The following UBE2E2 variants were observed in gnomAD, a reference collection of about 807,000 sequenced individuals.
UBE2E2 encodes ubiquitin conjugating enzyme E2 E2, also known as ubiquitin-conjugating enzyme E2 E2.
A neutral mutation model predicts 24.7 loss-of-function variants in UBE2E2; 6 were observed. The ratio of observed to expected loss-of-function variants is 0.24; its 90% CI spans 0.13 to 0.48. The LOEUF is 0.48. Ranked by LOEUF, UBE2E2 falls within the 20% of genes least tolerant of loss-of-function variation. The pLI is 0.99. For missense variants in UBE2E2, 169 were observed against 245.0 expected (o/e 0.69, Z 2.07); for synonymous variants, 104 against 83.6 (o/e 1.24, Z -1.33).
chr3:23,239,041 T>C (rs1256699611), intron 3 of UBE2E2, among the ~76,000 whole-genome samples: 2 of 152,218 alleles, frequency 1.3e-5, no homozygotes, highest in Non-Finnish European at 2.9e-5. Context: ...AATGTATACC[T>C]TCAGGTTCCT....
chr3:23,531,506 A>T (rs1695122396), intron 4 of UBE2E2, among the ~76,000 whole-genome samples: 1 of 152,184 alleles, frequency 6.6e-6, no homozygotes, highest in Admixed American at 6.6e-5. Flanking sequence ...TTTCAGTTGA[A>T]GTGTTTTACA....
chr3:23,357,419 ATATG>A (rs1320124900), intron 3 of UBE2E2, among the ~76,000 whole-genome samples: 1 of 152,074 alleles, frequency 6.6e-6, no homozygotes, highest in African/African-American at 2.4e-5. Flanking sequence ...GTGAGTGTGT[ATATG>A]TATATCTGCA....
At chr3:23,500,696 CT>C (rs1699702367) in intron 4 of UBE2E2, among the ~76,000 whole-genome samples, 1 of 152,188 alleles carries the variant, frequency 6.6e-6, no homozygotes, top group Admixed American at 6.5e-5. Flanking sequence ...TATAATTCCC[CT>C]CCCTCCTCTT....
intron 2 of UBE2E2, among the ~76,000 whole-genome samples, chr3:23,213,579 A>G (rs977848094): frequency 2.0e-5 from 3 of 152,110 alleles, no homozygotes; most frequent in African/African-American, 7.2e-5. Flanking sequence ...CTTCTGTATC[A>G]TACTAACCTA....
intron 3 of UBE2E2, among the ~76,000 whole-genome samples, chr3:23,381,656 T>C (rs1696674161): frequency 6.6e-6 from 1 of 152,202 alleles, no homozygotes; most frequent in African/African-American, 2.4e-5. Context: ...ACAAATTACT[T>C]AATAAAAGAT....
chr3:23,564,440 G>C (rs1386333336), intron 5 of UBE2E2, among the ~76,000 whole-genome samples: 1 of 152,092 alleles, frequency 6.6e-6, no homozygotes, highest in Non-Finnish European at 1.5e-5. Flanking sequence ...ATAATGTAGT[G>C]CTTGTTACCA....
chr3:23,235,199 A>G (rs144855642), intron 3 of UBE2E2, among the ~76,000 whole-genome samples: 1 of 152,334 alleles, frequency 6.6e-6, no homozygotes, highest in African/African-American at 2.4e-5. Flanking sequence ...GAGCTGGGGA[A>G]GTAAACAGAC....
At chr3:23,390,221 T>C (rs1696901582) in intron 3 of UBE2E2, among the ~76,000 whole-genome samples, 1 of 152,110 alleles carries the variant, frequency 6.6e-6, no homozygotes, top group African/African-American at 2.4e-5. Flanking sequence ...AGAACAGTTA[T>C]CCCTGTTTTC....
At chr3:23,419,205 G>T (rs1161456562) in intron 3 of UBE2E2, among the ~76,000 whole-genome samples, 1 of 152,098 alleles carries the variant, frequency 6.6e-6, no homozygotes, top group East Asian at 1.9e-4. Context: ...CTGGCCTCAA[G>T]CAGTTATCCT....
intron 5 of UBE2E2, among the ~76,000 whole-genome samples, chr3:23,567,920 T>G (rs1433780773): frequency 1.3e-5 from 2 of 152,202 alleles, no homozygotes; most frequent in East Asian, 1.9e-4. Context: ...ATAAGTTTCC[T>G]CCTTTTTAGA....
chr3:23,542,716 C>T (rs192674567), intron 5 of UBE2E2, among the ~76,000 whole-genome samples: 351 of 152,028 alleles, frequency 2.3e-3, no homozygotes, highest in African/African-American at 7.8e-3. Context: ...AAAAATCAGT[C>T]GTCTTTTCAA....
intron 3 of UBE2E2, among the ~76,000 whole-genome samples, chr3:23,480,962 C>CA (rs1196832912): frequency 6.6e-6 from 1 of 152,130 alleles, no homozygotes; most frequent in Non-Finnish European, 1.5e-5. Context: ...GGTCTAGAAA[C>CA]AAAGATTTAT....
At chr3:23,350,537 T>C (rs546907524) in intron 3 of UBE2E2, among the ~76,000 whole-genome samples, 157 of 152,194 alleles carry the variant, frequency 1.0e-3, no homozygotes, top group African/African-American at 3.6e-3. Context: ...AGAGAAGTGC[T>C]TAAAGGAGCT....
chr3:23,290,645 T>G (rs747372662), intron 3 of UBE2E2, among the ~76,000 whole-genome samples: 20 of 152,078 alleles, frequency 1.3e-4, no homozygotes, highest in Non-Finnish European at 2.8e-4. Context: ...AAGGACAAGC[T>G]TATCATAGTT....
At chr3:23,305,773 A>G (rs1368267199) in intron 3 of UBE2E2, among the ~76,000 whole-genome samples, 1 of 152,006 alleles carries the variant, frequency 6.6e-6, no homozygotes, top group African/African-American at 2.4e-5. Flanking sequence ...TCTGTCACCC[A>G]GGTTGGAGTA....
chr3:23,348,347 C>CAAAAAAAAAAAAAAAAAAAAA (rs35038477), intron 3 of UBE2E2, among the ~76,000 whole-genome samples: 4 of 121,942 alleles, frequency 3.3e-5, no homozygotes, highest in East Asian at 2.5e-4. Flanking sequence ...GTGCTGCTTT[C>CAAAAAAAAAAAAAAAAAAAAA]AAAAAAAAAA....
intron 2 of UBE2E2, among the ~76,000 whole-genome samples, chr3:23,213,946 C>CT (rs895362295): frequency 5.3e-5 from 8 of 152,142 alleles, no homozygotes; most frequent in African/African-American, 1.9e-4. Context: ...TCTTATCCCA[C>CT]TTGTCAAGGC....
At chr3:23,249,693 T>C (rs1341297392) in intron 3 of UBE2E2, among the ~76,000 whole-genome samples, 1 of 152,166 alleles carries the variant, frequency 6.6e-6, no homozygotes, top group African/African-American at 2.4e-5. Context: ...TCTTGCTCTT[T>C]CGCGCAGACT....
At chr3:23,300,167 C>G (rs1451173672) in intron 3 of UBE2E2, among the ~76,000 whole-genome samples, 1 of 152,130 alleles carries the variant, frequency 6.6e-6, no homozygotes, top group Non-Finnish European at 1.5e-5. Context: ...TGTTTTGAGC[C>G]TATGTGTGTC....
Sources: gnomAD v4.1 joint callset for allele counts (sites outside exome capture counted in the v4.1 genomes callset) on GRCh38, gnomAD v4.1.1 for gene constraint, MANE v1.5 for transcripts, NCBI Gene and HGNC (gene_info 2026-07-23, HGNC 2026-07-21) for gene names.